Variants in UGT1A10 observed in about 807,000 individuals in gnomAD.
UGT1A10 encodes the protein UDP-glucuronosyltransferase 1A10.
In UGT1A10, 49 loss-of-function variants were observed where a neutral mutation model predicts 45.8. The observed-to-expected ratio is 1.07, with a 90% CI of 0.85 to 1.36. The LOEUF is 1.36. UGT1A10 is among the 40% of genes most tolerant of loss of function. UGT1A10 has a pLI of 0.00. For synonymous variants in UGT1A10, 284 were observed against 249.7 expected (o/e 1.14, Z -1.29); for missense variants, 745 against 668.6 (o/e 1.11, Z -1.26).
At chr2:233,681,736 G>A in intron 1 of UGT1A10, 1 of 771,868 alleles carries the variant, frequency 1.3e-6, no homozygotes, top group Non-Finnish European at 1.6e-6. Context: ...CTCTTTTCTT[G>A]AAAACATATA....
At chr2:233,653,199 A>G (rs1461453035) in intron 1 of UGT1A10, among the ~76,000 whole-genome samples, 3 of 152,202 alleles carry the variant, frequency 2.0e-5, no homozygotes, top group Admixed American at 6.5e-5. Flanking sequence ...AAAATTATTT[A>G]TTTGAAAGAT....
chr2:233,747,892 T>C, intron 1 of UGT1A10: 9 of 1,613,604 alleles, frequency 5.6e-6, no homozygotes, highest in Non-Finnish European at 6.8e-6. Flanking sequence ...TGCCATGCTC[T>C]TTCTGCTCCT....
At chr2:233,747,492 C>G (rs1313970709) in intron 1 of UGT1A10, 21 of 1,608,406 alleles carry the variant, frequency 1.3e-5, no homozygotes, top group Non-Finnish European at 1.7e-5. Context: ...TCGCCTTGTG[C>G]TGGGCCACAC....
At chr2:233,747,400 C>T in intron 1 of UGT1A10, 1 of 1,606,978 alleles carries the variant, frequency 6.2e-7, no homozygotes, top group East Asian at 2.2e-5. Flanking sequence ...GTCCTCACCC[C>T]AGAGGTGAAT....
chr2:233,737,440 C>T (rs575360355), intron 1 of UGT1A10, among the ~76,000 whole-genome samples: 16 of 152,288 alleles, frequency 1.1e-4, no homozygotes, highest in African/African-American at 3.1e-4. Context: ...GGGAGTGTCC[C>T]GTTTTTCCAG....
At position 233,768,372 on chromosome 2, in the gene UGT1A10, C is replaced by A; in HGVS notation, c.1228C>A (p.Leu410Met). 1 of 1,614,130 alleles carries A rather than the reference C, an allele frequency of 6.2e-7. No homozygotes were observed. The highest frequency in any genetic ancestry group is 8.5e-7 in the Non-Finnish European group (1 of 1,180,038). The change falls in exon 4 of 5, where the codon CTG becomes ATG. Residue 410 changes from leucine (L) to methionine (M), a missense_variant. By Grantham distance (15) the Leu-to-Met change is conservative. Coordinates refer to ENST00000344644, the MANE Select transcript of UGT1A10 (RefSeq NM_019075.4). The part of the protein sequence containing the change: ...RMETKGAGVT[L>M]NVLEMTSEDL... ...GGAGACTAAGGGAGCTGGAGTGACC[C>A]TGAATGTTCTGGAAATGACTTCTGA...
rs2078696404 is a variant in UGT1A10 at position 233,735,803 on chromosome 2, A to G, written c.856-31231A>G. ...TGGCTGCATATGAATTTCTGGGTTG[A>G]AAATTCTTTTCTTTAAGAATGTTGA... On this transcript the variant is annotated intron_variant, in intron 1 of 4. Transcript: ENST00000344644. 2.0e-5 allele frequency among the ~76,000 whole-genome samples: 3 copies of G among 152,192 alleles called. No individual in the cohort carries two copies. The South Asian group carries it at 6.2e-4, about 31-fold the overall frequency.
At chr2:233,650,519 G>A (rs959199954) in intron 1 of UGT1A10, among the ~76,000 whole-genome samples, 1 of 152,194 alleles carries the variant, frequency 6.6e-6, no homozygotes, top group African/African-American at 2.4e-5. Context: ...GGTATGGATG[G>A]TCTGCTGGTG....
intron 1 of UGT1A10, among the ~76,000 whole-genome samples, chr2:233,748,621 T>C (rs1261589705): frequency 1.3e-5 from 2 of 151,698 alleles, no homozygotes; most frequent in African/African-American, 4.9e-5. Context: ...ACGTGGGATA[T>C]ATGTCTGTGA....
intron 1 of UGT1A10, among the ~76,000 whole-genome samples, chr2:233,651,400 A>G (rs2073737896): frequency 6.6e-6 from 1 of 152,126 alleles, no homozygotes; most frequent in Non-Finnish European, 1.5e-5. Flanking sequence ...ATATCATTTT[A>G]TATATTTTTG....
chr2:233,652,922 C>A (rs1364378921), intron 1 of UGT1A10, among the ~76,000 whole-genome samples: 1 of 152,184 alleles, frequency 6.6e-6, no homozygotes, highest in Non-Finnish European at 1.5e-5. Context: ...TGATGTGACA[C>A]ACACATTGTT....
intron 1 of UGT1A10, among the ~76,000 whole-genome samples, chr2:233,680,213 G>T (rs1240097253): frequency 6.6e-6 from 1 of 152,038 alleles, no homozygotes; most frequent in Non-Finnish European, 1.5e-5. Context: ...GCACTTTATA[G>T]TCCCATGGTG....
At chr2:233,729,551 A>C (rs749535297) in intron 1 of UGT1A10, 5 of 1,614,156 alleles carry the variant, frequency 3.1e-6, no homozygotes, top group Non-Finnish European at 3.4e-6. Context: ...AGGCACCTGA[A>C]TGCTACTTCC....
rs1204267098 is a variant in UGT1A10 at position 233,693,294 on chromosome 2, A to G, written c.855+55917A>G. The stretch of plus-strand genomic sequence containing the variant: ...AACCGTTACCAATCATTTGGAAACA[A>G]TCACTTTGCTGAGCGATCATTCCTA... On this transcript the variant is annotated intron_variant, in intron 1 of 4. Transcript: ENST00000344644. The G allele has an allele frequency of 5.0e-6, 8 of 1,614,086 alleles. No individual in the cohort carries two copies. In the Middle Eastern group the frequency reaches 6.6e-4, roughly 133 times the overall value.
chr2:233,772,337 C>T lies in UGT1A10; in HGVS notation c.1371C>T (p.Phe457=). The change falls in exon 5 of 5, where the codon TTC becomes TTT. Residue 457 remains phenylalanine (F), a synonymous_variant. Transcript: ENST00000344644. ...RPVEPLDLAV[F]WVEFVMRHKG... is the part of the protein sequence containing the mutation. ...TGGAGCCGCTGGACCTGGCCGTGTTCTGGGTGGAGTTTGTGATGAGGCACA... is the reference window on the plus strand; with the variant it reads ...TGGAGCCGCTGGACCTGGCCGTGTTTTGGGTGGAGTTTGTGATGAGGCACA... 6.2e-7 allele frequency: 1 copy of T among 1,614,256 alleles called. No individual in the cohort carries two copies. The highest frequency in any genetic ancestry group is 8.5e-7 in the Non-Finnish European group (1 of 1,180,042).
chr2:233,768,575 AT>A (rs1699646969), intron 4 of UGT1A10, 136 bp downstream of exon 4: 6 of 1,110,618 alleles, frequency 5.4e-6, no homozygotes, highest in Non-Finnish European at 7.1e-6. Flanking sequence ...CTGGATTTTT[AT>A]TTCTTCTTTT....
rs1559318321 is a variant in UGT1A10 at position 233,636,919 on chromosome 2, T to G, written c.397T>G (p.Leu133Val). 8 of 1,614,162 alleles carry G rather than the reference T, an allele frequency of 5.0e-6. No individual in the cohort carries two copies. Among genetic ancestry groups the G allele is most frequent in the Non-Finnish European group, 6.8e-6 (8 of 1,180,040 alleles). The part of the protein sequence containing the change: ...HCRSLFNDRK[L>V]VEYLKESSFD... Reference sequence around the variant, plus strand: ...CAGGAGTTTGTTTAATGACCGAAAATTAGTAGAATACTTAAAGGAGAGTTC... The same window carrying G: ...CAGGAGTTTGTTTAATGACCGAAAAGTAGTAGAATACTTAAAGGAGAGTTC... The change falls in exon 1 of 5, where the codon TTA becomes GTA. Residue 133 changes from leucine to valine, a missense_variant. By Grantham distance (32) the Leu-to-Val change is conservative. Transcript: ENST00000344644.
chr2:233,661,775 T>G (rs1160641105), intron 1 of UGT1A10, among the ~76,000 whole-genome samples: 1 of 151,368 alleles, frequency 6.6e-6, no homozygotes, highest in African/African-American at 2.4e-5. Context: ...TATCAAGCAA[T>G]TCAACTTTTC....
intron 1 of UGT1A10, chr2:233,717,847 A>G (rs1429786450): frequency 2.2e-6 from 1 of 455,006 alleles, no homozygotes; most frequent in Non-Finnish European, 4.4e-6. Flanking sequence ...CATTCTTATC[A>G]GAACTTGGTG....
Sources: gnomAD v4.1 joint callset for allele counts (sites outside exome capture counted in the v4.1 genomes callset) on GRCh38, gnomAD v4.1.1 for gene constraint, MANE v1.5 for transcripts, NCBI Gene and HGNC (gene_info 2026-07-23, HGNC 2026-07-21) for gene names.